The following GRIN2A variants were observed in gnomAD, a reference collection of about 807,000 sequenced individuals.
GRIN2A encodes glutamate receptor ionotropic, NMDA 2A.
GRIN2A carries 22 observed loss-of-function variants against 113.4 expected under a neutral mutation model. The observed-to-expected ratio is 0.19, with a 90% CI of 0.14 to 0.28. The LOEUF (loss-of-function observed/expected upper bound fraction) is 0.28. Ranked by LOEUF, GRIN2A falls within the 10% of genes least tolerant of loss-of-function variation. The pLI is 1.00. For synonymous variants in GRIN2A, 827 were observed against 738.4 expected (o/e 1.12, Z -1.94); for missense variants, 1,502 against 1,887.0 (o/e 0.80, Z 3.78).
At chr16:10,058,287 A>C (rs966611499) in intron 2 of GRIN2A, among the ~76,000 whole-genome samples, 11 of 150,506 alleles carry the variant, frequency 7.3e-5, no homozygotes, top group Admixed American at 3.9e-4. Context: ...ACCAAAAAAC[A>C]AAAAAACAAA....
chr16:10,171,124 T>A (rs2050032869), intron 2 of GRIN2A, among the ~76,000 whole-genome samples: 1 of 152,100 alleles, frequency 6.6e-6, no homozygotes. Context: ...CTGAGCCCCT[T>A]CCCTAAATCA....
chr16:9,753,739 A>T lies in GRIN2A; in HGVS notation c.*9410T>A. On this transcript the variant is annotated 3_prime_UTR_variant, in exon 13 of 13. Transcript: ENST00000330684. ...CAGTGGATTAAAACATGACAGATAT[A>T]AACTGCTGCAGTTGATCAGTGAACA... The T allele has an allele frequency of 5.2e-6, 1 of 190,548 alleles. No individual in the cohort carries two copies. Among genetic ancestry groups the T allele is most frequent in the Non-Finnish European group, 1.1e-5 (1 of 90,832 alleles). 11.8% of individuals were successfully genotyped at this position (190,548 alleles called of 1,614,324 possible).
intron 2 of GRIN2A, among the ~76,000 whole-genome samples, chr16:9,958,124 A>G (rs1359093974): frequency 1.3e-5 from 2 of 152,220 alleles, no homozygotes; most frequent in Non-Finnish European, 2.9e-5. Context: ...CCATAAATGA[A>G]GATAACTATA....
intron 4 of GRIN2A, among the ~76,000 whole-genome samples, chr16:9,881,214 C>G (rs2043474788): frequency 6.6e-6 from 1 of 152,206 alleles, no homozygotes. Context: ...TTGTTATTCT[C>G]TCATTTGCCA....
At chr16:10,000,327 C>T (rs971912619) in intron 2 of GRIN2A, among the ~76,000 whole-genome samples, 1 of 152,140 alleles carries the variant, frequency 6.6e-6, no homozygotes, top group Admixed American at 6.6e-5. Context: ...GCGGCTATTT[C>T]TACACTACTC....
At chr16:10,110,313 T>G (rs1369850246) in intron 2 of GRIN2A, among the ~76,000 whole-genome samples, 1 of 152,192 alleles carries the variant, frequency 6.6e-6, no homozygotes, top group African/African-American at 2.4e-5. Flanking sequence ...TGGATGAGAC[T>G]GGAGAATAGA....
chr16:9,875,643 C>T (rs530695451), intron 4 of GRIN2A, among the ~76,000 whole-genome samples: 1 of 152,250 alleles, frequency 6.6e-6, no homozygotes, highest in East Asian at 1.9e-4. Flanking sequence ...CAGACAGCAG[C>T]CACTGAGCTC....
At position 10,051,133 on chromosome 16, in the gene GRIN2A, G is replaced by C. The variant is rs111295791; in HGVS notation, c.415-112582C>G. ...CCTCTTGTCCTCTGTACAAAGTCAAGGGAGTTGATCAAACAATAAGAAACA... is the reference window on the plus strand; with the variant it reads ...CCTCTTGTCCTCTGTACAAAGTCAACGGAGTTGATCAAACAATAAGAAACA... On this transcript the variant is annotated intron_variant, in intron 2 of 12. Coordinates refer to ENST00000330684, the MANE Select transcript of GRIN2A (RefSeq NM_001134407.3). Among the ~76,000 whole-genome samples, 301 of 152,296 alleles carry C rather than the reference G, an allele frequency of 2.0e-3. 2 individuals carry two copies. Among genetic ancestry groups the C allele is most frequent in the African/African-American group, 7.0e-3 (290 of 41,554 alleles).
intron 2 of GRIN2A, among the ~76,000 whole-genome samples, chr16:10,118,596 G>A (rs2048773334): frequency 6.6e-6 from 1 of 152,172 alleles, no homozygotes; most frequent in Admixed American, 6.5e-5. Context: ...CACAATCTAT[G>A]TCTTCCAGTC....
chr16:10,153,273 A>C (rs1281474763), intron 2 of GRIN2A, among the ~76,000 whole-genome samples: 1 of 152,164 alleles, frequency 6.6e-6, no homozygotes, highest in African/African-American at 2.4e-5. Context: ...TGCTCTTAAA[A>C]ATAAAGTCTG....
intron 2 of GRIN2A, among the ~76,000 whole-genome samples, chr16:10,131,758 G>A (rs2049068915): frequency 6.6e-6 from 1 of 152,102 alleles, no homozygotes; most frequent in Non-Finnish European, 1.5e-5. Context: ...TGTTCTTTTT[G>A]CTTGTAACAC....
chr16:10,052,775 T>A (rs1045216672), intron 2 of GRIN2A, among the ~76,000 whole-genome samples: 2 of 152,130 alleles, frequency 1.3e-5, no homozygotes, highest in African/African-American at 2.4e-5. Context: ...AGGCCAGGCA[T>A]GGTGGCTTAC....
intron 10 of GRIN2A, among the ~76,000 whole-genome samples, chr16:9,819,916 C>T (rs1179410252): frequency 2.7e-5 from 3 of 111,234 alleles, no homozygotes; most frequent in Non-Finnish European, 5.2e-5. Flanking sequence ...AGCGAAACTC[C>T]GTCTCAAAAA....
At chr16:10,135,652 A>C (rs2049177286) in intron 2 of GRIN2A, among the ~76,000 whole-genome samples, 1 of 152,220 alleles carries the variant, frequency 6.6e-6, no homozygotes, top group South Asian at 2.1e-4. Context: ...GAATTGGCTT[A>C]CATGATTGTG....
intron 10 of GRIN2A, among the ~76,000 whole-genome samples, chr16:9,804,313 A>G (rs2141248654): frequency 6.6e-6 from 1 of 152,176 alleles, no homozygotes; most frequent in Admixed American, 6.5e-5. Flanking sequence ...GCAGCCTGGT[A>G]TGGGCAGCAC....
At chr16:10,055,070 A>G (rs1567266354) in intron 2 of GRIN2A, among the ~76,000 whole-genome samples, 1 of 76,274 alleles carries the variant, frequency 1.3e-5, no homozygotes, top group East Asian at 7.4e-4. Flanking sequence ...AAAAAAAAAA[A>G]AAAAAAAAAA....
intron 2 of GRIN2A, among the ~76,000 whole-genome samples, chr16:9,989,422 CAAACTATAA>C (rs2046055723): frequency 1.4e-5 from 1 of 71,318 alleles, no homozygotes. Flanking sequence ...TGTAAGACCT[CAAACTATAA>C]AAAAATCCTA....
chr16:9,819,083 C>A (rs1302282353), intron 10 of GRIN2A, among the ~76,000 whole-genome samples: 1 of 151,984 alleles, frequency 6.6e-6, no homozygotes, highest in Non-Finnish European at 1.5e-5. Context: ...TTCAGAAGAA[C>A]ATATTGGAAG....
intron 9 of GRIN2A, among the ~76,000 whole-genome samples, chr16:9,823,495 G>A (rs371211917): frequency 1.1e-4 from 16 of 152,080 alleles, no homozygotes; most frequent in East Asian, 1.9e-4. Context: ...TATGATTACC[G>A]TCTGTTATTA....
Sources: gnomAD v4.1 joint callset for allele counts (sites outside exome capture counted in the v4.1 genomes callset) on GRCh38, gnomAD v4.1.1 for gene constraint, MANE v1.5 for transcripts, NCBI Gene and HGNC (gene_info 2026-07-23, HGNC 2026-07-21) for gene names.